CEACAM3: variants seen among roughly 807,000 people sequenced by gnomAD.
CEACAM3 encodes cell adhesion molecule CEACAM3.
A neutral mutation model predicts 30.1 loss-of-function variants in CEACAM3; 32 were observed. The ratio of observed to expected loss-of-function variants is 1.06; its 90% CI spans 0.80 to 1.43. CEACAM3 has a LOEUF of 1.43. Ranked by LOEUF, CEACAM3 falls within the 40% of genes most tolerant of loss-of-function variation. The pLI is 0.00. For missense variants in CEACAM3, 290 were observed against 316.3 expected (o/e 0.92, Z 0.63); for synonymous variants, 134 against 127.2 (o/e 1.05, Z -0.36).
At chr19:41,805,557 G>T (rs2073192015) in intron 2 of CEACAM3, among the ~76,000 whole-genome samples, 1 of 152,092 alleles carries the variant, frequency 6.6e-6, no homozygotes, top group South Asian at 2.1e-4. Context: ...CCAAAAGGCT[G>T]GGATTACAGG....
At chr19:41,810,481 G>T (rs1199851594) in intron 5 of CEACAM3, 127 bp downstream of exon 5, 2 of 1,146,542 alleles carry the variant, frequency 1.7e-6, no homozygotes, top group African/African-American at 3.1e-5. Context: ...GACAAGGCTA[G>T]CCCTGCCCTG....
rs1555825209 is a variant in CEACAM3 at position 41,796,605 on chromosome 19, G to A, written c.-73G>A. ...GAAGGACAGCAGAGCCTAAGTCACA[G>A]TAGCCCTGACTACAGCATTCCTGGA... is the stretch of plus-strand genomic sequence containing the variant. On this transcript the variant is annotated 5_prime_UTR_variant, in exon 1 of 7. Coordinates refer to ENST00000357396, the MANE Select transcript of CEACAM3 (RefSeq NM_001815.5). 9.0e-6 allele frequency: 14 copies of A among 1,559,114 alleles called. No homozygotes were observed. Among genetic ancestry groups the A allele is most frequent in the Non-Finnish European group, 7.1e-6 (8 of 1,131,162 alleles).
intron 4 of CEACAM3, 81 bp from the exon 5 acceptor site, chr19:41,810,242 G>T: frequency 1.3e-6 from 2 of 1,527,676 alleles, no homozygotes; most frequent in Non-Finnish European, 1.8e-6. Flanking sequence ...GTATCTTAGA[G>T]CTGAGGACCC....
At chr19:41,797,457 G>C in intron 1 of CEACAM3, 132 bp from the exon 2 acceptor site, 2 of 1,209,156 alleles carry the variant, frequency 1.7e-6, no homozygotes, top group Admixed American at 4.6e-5. Context: ...TCACGTTACT[G>C]ACCTTGACCA....
At chr19:41,807,358 C>T (rs1555826944) in intron 2 of CEACAM3, 23 of 1,605,930 alleles carry the variant, frequency 1.4e-5, no homozygotes, top group Non-Finnish European at 1.6e-5. Flanking sequence ...TGGGTGCCAG[C>T]TACAGTGACC....
At chr19:41,797,491 A>G in intron 1 of CEACAM3, 98 bp from the exon 2 acceptor site, 1 of 1,480,122 alleles carries the variant, frequency 6.8e-7, no homozygotes, top group Non-Finnish European at 9.1e-7. Flanking sequence ...TACACTCTCC[A>G]AGGCTGAAGG....
At chr19:41,803,614 C>A (rs1226283244) in intron 2 of CEACAM3, among the ~76,000 whole-genome samples, 1 of 151,962 alleles carries the variant, frequency 6.6e-6, no homozygotes, top group Non-Finnish European at 1.5e-5. Flanking sequence ...CCACAGGCGC[C>A]CGCCACCATG....
intron 2 of CEACAM3, chr19:41,806,968 T>G (rs1255234886): frequency 2.1e-6 from 3 of 1,460,888 alleles, no homozygotes; most frequent in Non-Finnish European, 2.7e-6. Context: ...ATTACAGGCG[T>G]GAGCCACCGC....
At chr19:41,797,146 A>T (rs1555825317) in intron 1 of CEACAM3, 1 of 236,482 alleles carries the variant, frequency 4.2e-6, no homozygotes, top group African/African-American at 2.3e-5. Context: ...GGCGTACAAC[A>T]AATATCAGAC....
chr19:41,803,948 A>T (rs2073177810), intron 2 of CEACAM3, among the ~76,000 whole-genome samples: 1 of 152,024 alleles, frequency 6.6e-6, no homozygotes. Context: ...AGGCATGATG[A>T]CAGATGCCTA....
At chr19:41,809,818 C>T (rs1487008421) in intron 3 of CEACAM3, 147 bp from the exon 4 acceptor site, 2 of 754,800 alleles carry the variant, frequency 2.6e-6, no homozygotes, top group Non-Finnish European at 2.3e-6. Flanking sequence ...CTCCCCTCTG[C>T]TGGGCTCCCC....
intron 5 of CEACAM3, 79 bp downstream of exon 5, chr19:41,810,433 C>T (rs1600524382): frequency 1.4e-6 from 2 of 1,434,230 alleles, no homozygotes; most frequent in Non-Finnish European, 9.6e-7. Flanking sequence ...ATCAGCCCCC[C>T]AGCACAGAAC....
chr19:41,797,303 A>T, intron 1 of CEACAM3: 1 of 427,068 alleles, frequency 2.3e-6, no homozygotes, highest in Non-Finnish European at 4.2e-6. Flanking sequence ...GGGTCTCTAG[A>T]GGAGGTGTCA....
chr19:41,810,866 C>T lies in CEACAM3; in HGVS notation c.662C>T (p.Pro221Leu), dbSNP rs1555827519. The change falls in exon 6 of 7, where the codon CCC becomes CTC. Residue 221 changes from proline to leucine, a missense_variant. By Grantham distance (98) the Pro-to-Leu change is moderately conservative. Transcript: ENST00000357396. ...SPLSTAQAPLPNPRTAASIYE... is the reference protein window; with the variant it reads ...SPLSTAQAPLLNPRTAASIYE... ...CTCTCCACTGCCCAGGCCCCCCTACCCAACCCCAGGACAGCAGCTTCCATC... is the reference window on the plus strand; with the variant it reads ...CTCTCCACTGCCCAGGCCCCCCTACTCAACCCCAGGACAGCAGCTTCCATC... 1.2e-6 allele frequency: 2 copies of T among 1,613,718 alleles called. No individual in the cohort carries two copies. The highest frequency in any genetic ancestry group is 1.7e-6 in the Non-Finnish European group (2 of 1,179,798).
At chr19:41,810,487 C>T (rs890297923) in intron 5 of CEACAM3, 133 bp downstream of exon 5, 134 of 1,104,180 alleles carry the variant, frequency 1.2e-4, no homozygotes, top group Admixed American at 5.8e-4. Context: ...GCTAGCCCTG[C>T]CCTGGCCAGG....
chr19:41,799,194 T>G (rs1471622631), intron 2 of CEACAM3, among the ~76,000 whole-genome samples: 1 of 152,166 alleles, frequency 6.6e-6, no homozygotes, highest in Non-Finnish European at 1.5e-5. Context: ...TGAGGCCTGG[T>G]GGGAGGCGAT....
intron 2 of CEACAM3, among the ~76,000 whole-genome samples, chr19:41,799,202 G>A (rs1049411521): frequency 1.3e-5 from 2 of 152,176 alleles, no homozygotes; most frequent in South Asian, 2.1e-4. Flanking sequence ...GGTGGGAGGC[G>A]ATTGGATCAT....
At position 41,811,169 on chromosome 19, in the gene CEACAM3, C is replaced by T; in HGVS notation, c.694-3C>T. ...GGTCCAGGCCTCTTCTCTGTTTTAA[C>T]AGGAATTGCTAAAACATGACACAAA... On this transcript the variant is annotated splice_polypyrimidine_tract_variant and splice_region_variant and intron_variant, in intron 6 of 6. Coordinates refer to ENST00000357396, the MANE Select transcript of CEACAM3 (RefSeq NM_001815.5). 22 of 1,614,054 alleles carry T rather than the reference C, an allele frequency of 1.4e-5. No individual in the cohort carries two copies. Among genetic ancestry groups the T allele is most frequent in the Non-Finnish European group, 1.8e-5 (21 of 1,179,948 alleles).
chr19:41,805,332 C>T (rs772144443), intron 2 of CEACAM3, among the ~76,000 whole-genome samples: 1 of 148,964 alleles, frequency 6.7e-6, no homozygotes, highest in African/African-American at 2.5e-5. Flanking sequence ...ACTCTTGTCA[C>T]CCAGGCTGGA....
Sources: gnomAD v4.1 joint callset for allele counts (sites outside exome capture counted in the v4.1 genomes callset) on GRCh38, gnomAD v4.1.1 for gene constraint, MANE v1.5 for transcripts, NCBI Gene and HGNC (gene_info 2026-07-23, HGNC 2026-07-21) for gene names.